Variants in SEC14L1 observed in about 807,000 individuals in gnomAD.
The protein encoded by SEC14L1 is SEC14-like protein 1.
In SEC14L1, 48 loss-of-function variants were observed where a neutral mutation model predicts 85.3. That is an observed-to-expected ratio of 0.56 (90% CI 0.45 to 0.72). The LOEUF (loss-of-function observed/expected upper bound fraction) is 0.72, where lower values mean the gene tolerates loss of function less well. Ranked by LOEUF, SEC14L1 falls within the 30% of genes least tolerant of loss-of-function variation. SEC14L1 has a pLI of 0.00. For synonymous variants in SEC14L1, 391 were observed against 355.5 expected, an observed-to-expected ratio of 1.10 and a Z score of -1.12; for missense variants, 682 against 921.4, an observed-to-expected ratio of 0.74 and a Z score of 3.36.
intron 3 of SEC14L1, among the ~76,000 whole-genome samples, chr17:77,172,275 G>A (rs944534178): frequency 2.6e-5 from 4 of 152,090 alleles, no homozygotes; most frequent in Admixed American, 1.3e-4. Context: ...CTTGACCGCC[G>A]TATTCTTCCT....
Position 77,190,889 on chromosome 17 carries a change from G to T in SEC14L1, c.150G>T (p.Gly50=). Residue 50 remains glycine (G), a synonymous_variant, in exon 4 of 17, where the codon GGG becomes GGT. Coordinates refer to ENST00000436233, the MANE Select transcript of SEC14L1 (RefSeq NM_001143998.2). The part of the protein sequence containing the change: ...DTVNEFKSED[G]AIHVIERRCK... ...TGAATGAATTCAAGAGCGAAGATGG[G>T]GCTATTCATGTCATTGAAAGGCGCT... 6.2e-7 allele frequency: 1 copy of T among 1,614,222 alleles called. No individual in the cohort carries two copies. Among genetic ancestry groups the T allele is most frequent in the African/African-American group, 1.3e-5 (1 of 75,054 alleles).
chr17:77,125,721 T>C (rs1972429885), intron 3 of SEC14L1, among the ~76,000 whole-genome samples: 1 of 152,214 alleles, frequency 6.6e-6, no homozygotes, highest in African/African-American at 2.4e-5. Flanking sequence ...GGCCTTCCTG[T>C]GCTGGAGGCC....
At chr17:77,141,878 T>G (rs1365172542) in intron 1 of SEC14L1, among the ~76,000 whole-genome samples, 1 of 152,190 alleles carries the variant, frequency 6.6e-6, no homozygotes, top group Non-Finnish European at 1.5e-5. Context: ...ATATTCCCAA[T>G]TAAATTTTTA....
At chr17:77,191,133 T>A in intron 4 of SEC14L1, 48 bp from the exon 5 acceptor site, 1 of 1,580,712 alleles carries the variant, frequency 6.3e-7, no homozygotes. Context: ...GCTTCTGTGC[T>A]ATTGGTTGTT....
chr17:77,205,970 A>G (rs768358603), intron 11 of SEC14L1, among the ~76,000 whole-genome samples: 6 of 152,200 alleles, frequency 3.9e-5, no homozygotes, highest in Admixed American at 2.0e-4. Flanking sequence ...CTCACTGAGC[A>G]TATCTGAGAG....
At chr17:77,194,593 C>T (rs1975707246) in intron 6 of SEC14L1, 84 bp from the exon 7 acceptor site, 2 of 1,077,512 alleles carry the variant, frequency 1.9e-6, no homozygotes, top group African/African-American at 1.6e-5. Flanking sequence ...CTTCCGTTGG[C>T]TAGAAAAAAA....
intron 3 of SEC14L1, among the ~76,000 whole-genome samples, chr17:77,127,110 C>T (rs1360478757): frequency 4.6e-5 from 7 of 151,902 alleles, no homozygotes; most frequent in Non-Finnish European, 5.9e-5. Context: ...CCTACTGACA[C>T]GTCCTCTTAA....
chr17:77,191,077 G>A (rs1007889976), intron 4 of SEC14L1, 104 bp from the exon 5 acceptor site: 3 of 1,509,706 alleles, frequency 2.0e-6, no homozygotes, highest in Non-Finnish European at 1.8e-6. Flanking sequence ...GAGGGAGAGG[G>A]CGTCCTGGAG....
intron 10 of SEC14L1, among the ~76,000 whole-genome samples, chr17:77,203,927 TGTGGAATTG>T (rs1270153173): frequency 1.3e-5 from 2 of 152,036 alleles, no homozygotes; most frequent in Non-Finnish European, 2.9e-5. Flanking sequence ...TTCACTCCCA[TGTGGAATTG>T]CCCTCTCTTG....
chr17:77,191,566 A>G (rs1329605168), intron 5 of SEC14L1, among the ~76,000 whole-genome samples: 1 of 151,732 alleles, frequency 6.6e-6, no homozygotes, highest in Non-Finnish European at 1.5e-5. Context: ...TTTTTGAGAC[A>G]CAGTCTCCCT....
rs181096150 is a variant in SEC14L1 at position 77,169,386 on chromosome 17, T to C, written c.64-21417T>C. The stretch of plus-strand genomic sequence containing the variant: ...CAATGAGAGAGTCTTGCATGCTCTC[T>C]CCCAGGCTGTGAGATTTTGAAAGAG... On this transcript the variant is annotated intron_variant, in intron 3 of 16. Coordinates refer to ENST00000436233, the MANE Select transcript of SEC14L1 (RefSeq NM_001143998.2). Among the ~76,000 whole-genome samples the C allele has an allele frequency of 2.6e-5, 4 of 152,296 alleles. No individual in the cohort carries two copies. In the East Asian group the frequency reaches 7.7e-4, roughly 29 times the overall value.
At chr17:77,094,242 T>C (rs1426175197) in intron 3 of SEC14L1, 1 of 152,126 alleles carries the variant, frequency 6.6e-6, no homozygotes, top group Admixed American at 6.6e-5. Context: ...GGTCTCGAAC[T>C]CCTGACCTCA....
chr17:77,091,180 C>T (rs1425378360), intron 2 of SEC14L1, among the ~76,000 whole-genome samples: 2 of 152,104 alleles, frequency 1.3e-5, no homozygotes, highest in African/African-American at 4.8e-5. Context: ...CTCCACCTCC[C>T]AGATTCAAGC....
chr17:77,206,897 C>G lies in SEC14L1; in HGVS notation c.1476+35C>G. On this transcript the variant is annotated intron_variant, in intron 13 of 16. Coordinates refer to ENST00000436233, the MANE Select transcript of SEC14L1 (RefSeq NM_001143998.2). The surrounding 1 kb of genome is among the most constrained non-coding windows in gnomAD (Gnocchi z 4.3). ...GAGGCGAGGAACTGCACATTTGGCCCCTTATGCAGGTGGGAGAGGTCGGTG... is the reference window on the plus strand; with the variant it reads ...GAGGCGAGGAACTGCACATTTGGCCGCTTATGCAGGTGGGAGAGGTCGGTG... 1 of 1,474,104 alleles carries G rather than the reference C, an allele frequency of 6.8e-7. No homozygotes were observed. The highest frequency in any genetic ancestry group is 9.0e-7 in the Non-Finnish European group (1 of 1,109,068). The allele number at this position is 1,474,104 out of a possible 1,614,324, so 91.3% of individuals were successfully genotyped here.
intron 3 of SEC14L1, among the ~76,000 whole-genome samples, chr17:77,168,479 C>T (rs1974386252): frequency 6.6e-6 from 1 of 152,182 alleles, no homozygotes; most frequent in Non-Finnish European, 1.5e-5. Flanking sequence ...TATGAGTACA[C>T]CTGTAACAAT....
chr17:77,132,233 T>A (rs1972634753), intron 3 of SEC14L1, among the ~76,000 whole-genome samples: 1 of 151,106 alleles, frequency 6.6e-6, no homozygotes, highest in African/African-American at 2.4e-5. Flanking sequence ...GGAATTTTTT[T>A]TTTTTTTTTT....
intron 3 of SEC14L1, among the ~76,000 whole-genome samples, chr17:77,144,441 A>T (rs916087595): frequency 6.6e-6 from 1 of 152,174 alleles, no homozygotes; most frequent in African/African-American, 2.4e-5. Flanking sequence ...CTCCTAATAC[A>T]CAGAGGACTG....
At chr17:77,160,217 A>G (rs578070238) in intron 3 of SEC14L1, among the ~76,000 whole-genome samples, 42 of 152,362 alleles carry the variant, frequency 2.8e-4, no homozygotes, top group South Asian at 6.2e-4. Context: ...GGGCAAACAC[A>G]TGGCATCTTT....
At position 77,209,602 on chromosome 17, in the gene SEC14L1, C is replaced by T. The variant is rs887874104; in HGVS notation, c.1611+126C>T. 6.3e-6 allele frequency: 6 copies of T among 945,102 alleles called. No individual in the cohort carries two copies. In the African/African-American group the frequency reaches 9.9e-5, roughly 16 times the overall value. 58.5% of individuals were successfully genotyped at this position (945,102 alleles called of 1,614,324 possible). A position where few individuals can be genotyped will look rare whatever the true frequency, so the allele number is the denominator to read the frequency against. On this transcript the variant is annotated intron_variant, in intron 14 of 16. Transcript: ENST00000436233. ...CGTTTTTCTGCTCTTTGTCTTTAGG[C>T]TTTTGTTGACACTCGATATTTAGTT...
Sources: allele counts gnomAD v4.1 joint callset (sites outside exome capture counted in the v4.1 genomes callset), GRCh38; gene constraint gnomAD v4.1.1; non-coding constraint Gnocchi (gnomAD v3.1); transcripts MANE v1.5; gene names NCBI Gene and HGNC (gene_info 2026-07-23, HGNC 2026-07-21).